The following RNF168 variants were observed in gnomAD, a reference collection of about 807,000 sequenced individuals.
The protein encoded by RNF168 is E3 ubiquitin-protein ligase RNF168.
In RNF168, 34 loss-of-function variants were observed where a neutral mutation model predicts 34.9. That is an observed-to-expected ratio of 0.97 (90% confidence interval 0.74 to 1.30). The LOEUF (loss-of-function observed/expected upper bound fraction) is 1.30. RNF168 is among the 50% of genes most tolerant of loss of function. The probability of loss-of-function intolerance (pLI) is 0.00; values close to 1 mark genes in which losing one functional copy is unlikely to be tolerated. For missense variants in RNF168, 725 were observed against 682.5 expected (o/e 1.06, Z -0.69); for synonymous variants, 264 against 254.7 (o/e 1.04, Z -0.35).
Position 196,472,559 on chromosome 3 carries a change from A to C in RNF168, c.976T>G (p.Cys326Gly). 1.2e-6 allele frequency: 2 copies of C among 1,614,234 alleles called. No homozygotes were observed. The highest frequency in any genetic ancestry group is 1.7e-6 in the Non-Finnish European group (2 of 1,180,050). ...TRPSNHGKELCVLSHERPKTR... is the reference protein window; with the variant it reads ...TRPSNHGKELGVLSHERPKTR... ...TTAGGTCGCTCGTGACTTAAGACAC[A>C]TAACTCTTTCCCATGATTGCTTGGT... Residue 326 changes from cysteine (C) to glycine (G), a missense_variant, in exon 6 of 6, where the codon TGT (cysteine) becomes GGT (glycine). By Grantham distance (159) the Cys-to-Gly change is radical. Coordinates refer to ENST00000318037, the MANE Select transcript of RNF168 (RefSeq NM_152617.4).
chr3:196,487,445 T>C lies in RNF168; in HGVS notation c.512A>G (p.Gln171Arg). The change falls in exon 3 of 6, where the codon CAA becomes CGA. Residue 171 changes from glutamine (Q) to arginine (R), a missense_variant. By Grantham distance (43) the Gln-to-Arg change is conservative. Coordinates refer to ENST00000318037, the MANE Select transcript of RNF168 (RefSeq NM_152617.4). The part of the protein sequence containing the change: ...AEKRRRAMEE[Q>R]LKSDEELARK... ...TGCCAGTTCCTCATCACTTTTCAGT[T>C]GTTCTTCCATCGCTCTTCGCCTTTT... 6.2e-7 allele frequency: 1 copy of C among 1,614,244 alleles called. No individual in the cohort carries two copies. The highest frequency in any genetic ancestry group is 8.5e-7 in the Non-Finnish European group (1 of 1,180,038).
chr3:196,485,404 G>A (rs1002973482), intron 3 of RNF168, among the ~76,000 whole-genome samples: 2 of 152,016 alleles, frequency 1.3e-5, no homozygotes, highest in Non-Finnish European at 2.9e-5. Flanking sequence ...ATACTCTGGA[G>A]GCTGAGGCAG....
chr3:196,503,223 A>G lies in RNF168; in HGVS notation c.-50T>C. 6.4e-7 allele frequency: 1 copy of G among 1,552,192 alleles called. No individual in the cohort carries two copies. Among genetic ancestry groups the G allele is most frequent in the Non-Finnish European group, 8.9e-7 (1 of 1,124,402 alleles). ...AAACAACGACACCTGCACGAAAAAG[A>G]ATCCTATTTTCGGCCAACCACAGAG... On this transcript the variant is annotated 5_prime_UTR_variant, in exon 1 of 6. Transcript: ENST00000318037.
intron 1 of RNF168, among the ~76,000 whole-genome samples, chr3:196,495,306 T>TCAAGAAAATTAACATTGATATATTACC (rs1560275495): frequency 6.6e-6 from 1 of 152,172 alleles, no homozygotes; most frequent in African/African-American, 2.4e-5. Context: ...ATGATCAAGT[T>TCAAGAAAATTAACATTGATATATTACC]CAAGAAAATT....
intron 4 of RNF168, among the ~76,000 whole-genome samples, chr3:196,480,226 T>C (rs1418745376): frequency 6.6e-6 from 1 of 152,172 alleles, no homozygotes; most frequent in East Asian, 1.9e-4. Context: ...TGCTGCTCTG[T>C]GGTCCATTAA....
intron 1 of RNF168, among the ~76,000 whole-genome samples, chr3:196,502,378 G>A (rs988601874): frequency 6.6e-6 from 1 of 152,190 alleles, no homozygotes; most frequent in Admixed American, 6.5e-5. Flanking sequence ...CTTGAGGTCA[G>A]GAGTTTGAGA....
intron 1 of RNF168, among the ~76,000 whole-genome samples, chr3:196,500,995 G>A (rs1021713737): frequency 3.9e-5 from 6 of 152,228 alleles, no homozygotes; most frequent in Non-Finnish European, 8.8e-5. Context: ...ACAGGCGTGA[G>A]CCGCCGCGCC....
intron 4 of RNF168, among the ~76,000 whole-genome samples, chr3:196,482,259 TA>T (rs1732310595): frequency 6.6e-6 from 1 of 152,232 alleles, no homozygotes; most frequent in African/African-American, 2.4e-5. Context: ...ATTTTAAAAC[TA>T]TATAATCCTG....
Position 196,472,617 on chromosome 3 carries a change from G to A in RNF168, c.918C>T (p.Ala306=), listed in dbSNP as rs781641742. 2.4e-5 allele frequency: 39 copies of A among 1,613,680 alleles called. No individual in the cohort carries two copies. The highest frequency in any genetic ancestry group is 6.7e-5 in the East Asian group (3 of 44,882). ...TGACGTTTCCTTCATGGTACCATTC[G>A]GCACCACAGGCACATAACCATGGCA... is the stretch of plus-strand genomic sequence containing the variant. The part of the protein sequence containing the change: ...SPMPWLCACG[A]EWYHEGNVKT... Residue 306 remains alanine (A), a synonymous_variant, in exon 6 of 6, where the codon GCC becomes GCT. Transcript: ENST00000318037.
At position 196,487,555 on chromosome 3, in the gene RNF168, G is replaced by A. The variant is rs149037278; in HGVS notation, c.402C>T (p.Ser134=). The part of the protein sequence containing the change: ...ISKVAAERRA[S]EEEENKASEE... ...CACTGGCTTTGTTTTCTTCTTCCTCGCTGGCCCGTCGCTCTGCCGCCACCT... is the reference window on the plus strand; with the variant it reads ...CACTGGCTTTGTTTTCTTCTTCCTCACTGGCCCGTCGCTCTGCCGCCACCT... The change falls in exon 3 of 6, where the codon AGC becomes AGT. Residue 134 remains serine (S), a synonymous_variant. Coordinates refer to ENST00000318037, the MANE Select transcript of RNF168 (RefSeq NM_152617.4). 6.9e-5 allele frequency: 112 copies of A among 1,613,810 alleles called. No individual in the cohort carries two copies. In the African/African-American group the frequency reaches 1.0e-3, roughly 15 times the overall value.
chr3:196,485,784 A>T (rs57859863), intron 3 of RNF168, among the ~76,000 whole-genome samples: 2,904 of 151,704 alleles, frequency 0.019, 108 homozygotes, highest in African/African-American at 0.067. Context: ...ATACATATAT[A>T]TTTTTTTATT....
In RNF168 at chr3:196,495,614, G is replaced by A. The variant is rs73891267; in HGVS notation, c.302-6931C>T. Among the ~76,000 whole-genome samples, 818 of 152,308 alleles carry A rather than the reference G, an allele frequency of 5.4e-3. 10 individuals carry two copies. Among genetic ancestry groups the A allele is most frequent in the African/African-American group, 0.018 (764 of 41,568 alleles). ...CTCGTCCTATCAGGAGGACCGCAAT[G>A]TTTGTTTGTTCCATGGATAACGTTA... On this transcript the variant is annotated intron_variant, in intron 1 of 5. Transcript: ENST00000318037.
chr3:196,503,046 G>C lies in RNF168; in HGVS notation c.128C>G (p.Thr43Ser). Residue 43 changes from threonine to serine, a missense_variant, in exon 1 of 6, where the codon ACC becomes AGC. Thr to Ser is a moderately conservative substitution (Grantham distance 58). Transcript: ENST00000318037. ...ACAGCATAAACTCGCCTTTTCGACG[G>C]TCGACTGGAAGCACGGTTTACACAG... ...HTLCKPCFQS[T>S]VEKASLCCPF... The C allele has an allele frequency of 1.2e-6, 2 of 1,614,174 alleles. No homozygotes were observed. Among genetic ancestry groups the C allele is most frequent in the Non-Finnish European group, 1.7e-6 (2 of 1,180,042 alleles).
At position 196,487,414 on chromosome 3, in the gene RNF168, C is replaced by G. The variant is rs781470433; in HGVS notation, c.543G>C (p.Lys181Asn). ...TAAAACTTACAATATCAATGCTTAG[C>G]TTTCTTGCCAGTTCCTCATCACTTT... ...QLKSDEELAR[K>N]LSIDINNFCE... Residue 181 changes from lysine (K) to asparagine (N), a missense_variant, in exon 3 of 6, where the codon AAG (lysine) becomes AAC (asparagine). By Grantham distance (94) the Lys-to-Asn change is moderately conservative. Coordinates refer to ENST00000318037, the MANE Select transcript of RNF168 (RefSeq NM_152617.4). The G allele has an allele frequency of 4.3e-6, 7 of 1,614,076 alleles. No individual in the cohort carries two copies. The highest frequency in any genetic ancestry group is 2.2e-5 in the East Asian group (1 of 44,884).
At chr3:196,476,670 C>T (rs1345187790) in intron 4 of RNF168, among the ~76,000 whole-genome samples, 1 of 152,048 alleles carries the variant, frequency 6.6e-6, no homozygotes, top group African/African-American at 2.4e-5. Context: ...CCTGCTTCGG[C>T]CTCCCAAAGT....
At position 196,472,537 on chromosome 3, in the gene RNF168, G is replaced by A. The variant is rs1638745372; in HGVS notation, c.998C>T (p.Pro333Leu). 2 of 1,614,164 alleles carry A rather than the reference G, an allele frequency of 1.2e-6. No homozygotes were observed. Among genetic ancestry groups the A allele is most frequent in the South Asian group, 1.1e-5 (1 of 91,074 alleles). The change falls in exon 6 of 6, where the codon CCT (proline) becomes CTT (leucine). Residue 333 changes from proline (P) to leucine (L), a missense_variant. Transcript: ENST00000318037. ...KELCVLSHER[P>L]KTRVPYSKET... ...TTTCGAGTAGGGAACTCTGGTTTTA[G>A]GTCGCTCGTGACTTAAGACACATAA...
chr3:196,493,215 T>A (rs1173447563), intron 1 of RNF168, among the ~76,000 whole-genome samples: 1 of 152,184 alleles, frequency 6.6e-6, no homozygotes, highest in African/African-American at 2.4e-5. Context: ...GATGCCCAAC[T>A]ACAGCAAGCA....
chr3:196,481,960 G>C (rs911121678), intron 4 of RNF168, among the ~76,000 whole-genome samples: 1 of 129,352 alleles, frequency 7.7e-6, no homozygotes, highest in Non-Finnish European at 1.7e-5. Flanking sequence ...CACTGTCCCT[G>C]GCTTTTTTTT....
At chr3:196,494,419 A>G (rs1319320300) in intron 1 of RNF168, among the ~76,000 whole-genome samples, 3 of 152,224 alleles carry the variant, frequency 2.0e-5, no homozygotes, top group Non-Finnish European at 4.4e-5. Flanking sequence ...TTTATTTTGA[A>G]GGAAAAATTC....
Sources: gnomAD v4.1 joint callset for allele counts (sites outside exome capture counted in the v4.1 genomes callset) on GRCh38, gnomAD v4.1.1 for gene constraint, MANE v1.5 for transcripts, NCBI Gene and HGNC (gene_info 2026-07-23, HGNC 2026-07-21) for gene names.